The following TMEM45A variants were observed in gnomAD, a reference collection of about 807,000 sequenced individuals.
The protein encoded by TMEM45A is DNA polymerase-transactivated protein 4.
In TMEM45A, 25 loss-of-function variants were observed where a neutral mutation model predicts 32.0. The ratio of observed to expected loss-of-function variants is 0.78; its 90% CI spans 0.57 to 1.09. TMEM45A has a LOEUF of 1.09. TMEM45A is among the 50% of genes least tolerant of loss of function. TMEM45A has a pLI of 0.00. For synonymous variants in TMEM45A, 122 were observed against 114.8 expected, an observed-to-expected ratio of 1.06 and a Z score of -0.40; for missense variants, 302 against 325.0, an observed-to-expected ratio of 0.93 and a Z score of 0.54.
intron 1 of TMEM45A, among the ~76,000 whole-genome samples, chr3:100,500,310 A>G (rs1221686832): frequency 6.6e-6 from 1 of 152,218 alleles, no homozygotes; most frequent in Non-Finnish European, 1.5e-5. Context: ...ACTGAGACCC[A>G]GAGATCTCGT....
chr3:100,575,519 T>C (rs1265999625), intron 5 of TMEM45A, among the ~76,000 whole-genome samples: 1 of 152,082 alleles, frequency 6.6e-6, no homozygotes, highest in Non-Finnish European at 1.5e-5. Flanking sequence ...ATTACAGGCA[T>C]GTGCCACCAT....
At chr3:100,505,112 T>C (rs1393996989) in intron 1 of TMEM45A, among the ~76,000 whole-genome samples, 9 of 152,144 alleles carry the variant, frequency 5.9e-5, no homozygotes, top group Non-Finnish European at 7.4e-5. Context: ...CATTGCTGCA[T>C]TGGTTATTTA....
At chr3:100,517,550 C>T (rs990601752) in intron 1 of TMEM45A, among the ~76,000 whole-genome samples, 12 of 152,182 alleles carry the variant, frequency 7.9e-5, no homozygotes, top group East Asian at 1.9e-4. Context: ...TAACAAATGA[C>T]GTTTAGAAAT....
At chr3:100,574,560 C>G (rs1374449049) in intron 5 of TMEM45A, 1 of 152,366 alleles carries the variant, frequency 6.6e-6, no homozygotes, top group African/African-American at 2.4e-5. Flanking sequence ...CAGCCGAATT[C>G]TACCAGAGGT....
chr3:100,509,160 T>C lies in TMEM45A; in HGVS notation c.-4+16232T>C, dbSNP rs181422989. Among the ~76,000 whole-genome samples the C allele has an allele frequency of 4.1e-3, 626 of 152,226 alleles. 3 individuals are homozygous for C. Among genetic ancestry groups the C allele is most frequent in the Non-Finnish European group, 5.7e-3 (391 of 68,016 alleles). On this transcript the variant is annotated intron_variant, in intron 1 of 5. Transcript: ENST00000323523. The stretch of plus-strand genomic sequence containing the variant: ...TATTTCCCAAAAGAAGACATACGAA[T>C]GACTAACAGGCATATGAAAAACTGC...
At chr3:100,576,795 T>C (rs1706697537) in intron 5 of TMEM45A, 130 bp from the exon 6 acceptor site, 2 of 739,464 alleles carry the variant, frequency 2.7e-6, no homozygotes, top group Non-Finnish European at 2.3e-6. Context: ...CAAATAAAAG[T>C]AATTTTCCTT....
intron 1 of TMEM45A, among the ~76,000 whole-genome samples, chr3:100,521,415 G>T (rs189530890): frequency 0.046 from 6,927 of 151,968 alleles, 584 homozygotes; most frequent in African/African-American, 0.16. Flanking sequence ...CACCATGCCC[G>T]GCTAATTTTG....
intron 3 of TMEM45A, 145 bp downstream of exon 3, chr3:100,557,117 C>T (rs1706237602): frequency 8.9e-6 from 8 of 903,286 alleles, no homozygotes; most frequent in Non-Finnish European, 1.2e-5. Context: ...TTTGGGTGTC[C>T]TAGGCAGGGC....
chr3:100,539,502 C>CGTATAT (rs1491324313), intron 1 of TMEM45A, among the ~76,000 whole-genome samples: 11 of 56,682 alleles, frequency 1.9e-4, no homozygotes, highest in South Asian at 4.5e-4. Context: ...TATACGTATA[C>CGTATAT]GTATACGTAT....
intron 4 of TMEM45A, among the ~76,000 whole-genome samples, chr3:100,564,957 G>A (rs1706399872): frequency 6.6e-6 from 1 of 152,198 alleles, no homozygotes; most frequent in Admixed American, 6.5e-5. Context: ...CTGCTGAGAT[G>A]TCTCAAACTG....
intron 4 of TMEM45A, among the ~76,000 whole-genome samples, chr3:100,567,035 T>A (rs895490240): frequency 6.6e-6 from 1 of 152,078 alleles, no homozygotes; most frequent in Admixed American, 6.6e-5. Flanking sequence ...GCTTTTGGTG[T>A]CGTAGCTTAA....
intron 1 of TMEM45A, among the ~76,000 whole-genome samples, chr3:100,516,002 C>A (rs1441595060): frequency 6.6e-6 from 1 of 152,110 alleles, no homozygotes; most frequent in African/African-American, 2.4e-5. Flanking sequence ...TTGAAATGCT[C>A]CCAATACAAA....
At position 100,492,890 on chromosome 3, in the gene TMEM45A, G is replaced by A. The variant is rs539118690; in HGVS notation, c.-42G>A. On this transcript the variant is annotated 5_prime_UTR_variant, in exon 1 of 6. The change creates a new upstream start codon in the 5' untranslated region. Coordinates refer to ENST00000323523, the MANE Select transcript of TMEM45A (RefSeq NM_018004.3). The stretch of plus-strand genomic sequence containing the variant: ...CGCTGTCTGATTTTAAGCTGGCAAA[G>A]TGGGAAAAATAAAGTGTTGAGTAAA... 2.6e-5 allele frequency: 4 copies of A among 152,242 alleles called. No individual in the cohort carries two copies. In the South Asian group the frequency reaches 6.2e-4, roughly 24 times the overall value. 9.4% of individuals were successfully genotyped at this position (152,242 alleles called of 1,614,324 possible). A position where few individuals can be genotyped will look rare whatever the true frequency, so the allele number is the denominator to read the frequency against.
chr3:100,522,105 G>A (rs978645455), intron 1 of TMEM45A, among the ~76,000 whole-genome samples: 4 of 152,028 alleles, frequency 2.6e-5, no homozygotes, highest in African/African-American at 7.2e-5. Flanking sequence ...GGGGGTGGGG[G>A]TAGTGGGCCC....
At chr3:100,557,551 T>C in intron 3 of TMEM45A, among the ~76,000 whole-genome samples, 1 of 70,082 alleles carries the variant, frequency 1.4e-5, no homozygotes, top group South Asian at 3.5e-4. Flanking sequence ...AACAAGCATT[T>C]AATGGTTTTT....
chr3:100,495,976 A>G (rs1329262895), intron 1 of TMEM45A, among the ~76,000 whole-genome samples: 1 of 152,216 alleles, frequency 6.6e-6, no homozygotes, highest in Non-Finnish European at 1.5e-5. Flanking sequence ...TTCATAACTT[A>G]CAATTATTGA....
At chr3:100,505,571 C>T (rs1255017974) in intron 1 of TMEM45A, among the ~76,000 whole-genome samples, 2 of 152,166 alleles carry the variant, frequency 1.3e-5, no homozygotes, top group African/African-American at 2.4e-5. Flanking sequence ...GGTCCAAGGA[C>T]CTTACTTTGA....
At chr3:100,520,553 A>G (rs1026094645) in intron 1 of TMEM45A, among the ~76,000 whole-genome samples, 2 of 152,060 alleles carry the variant, frequency 1.3e-5, no homozygotes, top group Non-Finnish European at 2.9e-5. Context: ...GGCCTTATAC[A>G]TTGGGTACCT....
chr3:100,509,760 C>T lies in TMEM45A; in HGVS notation c.-4+16832C>T, dbSNP rs371686553. ...CAGTGGGTGCAGGTCAGTGGGTGCG[C>T]GCACCGTGCATGAGCTGAAGCAGGC... On this transcript the variant is annotated intron_variant, in intron 1 of 5. Coordinates refer to ENST00000323523, the MANE Select transcript of TMEM45A (RefSeq NM_018004.3). Among the ~76,000 whole-genome samples, 62 of 152,166 alleles carry T rather than the reference C, an allele frequency of 4.1e-4. No individual in the cohort carries two copies. In the East Asian group the frequency reaches 5.2e-3, roughly 13 times the overall value.
Sources: allele counts gnomAD v4.1 joint callset (sites outside exome capture counted in the v4.1 genomes callset), GRCh38; gene constraint gnomAD v4.1.1; transcripts MANE v1.5; gene names NCBI Gene and HGNC (gene_info 2026-07-23, HGNC 2026-07-21).